Variants in FOXRED1 observed in about 807,000 individuals in gnomAD.
FOXRED1 encodes the protein FAD dependent oxidoreductase domain containing 1.
A neutral mutation model predicts 57.8 loss-of-function variants in FOXRED1; 52 were observed. The ratio of observed to expected loss-of-function variants is 0.90; its 90% CI spans 0.72 to 1.13. The LOEUF (loss-of-function observed/expected upper bound fraction) is 1.13, where lower values mean the gene tolerates loss of function less well. Ranked by LOEUF, FOXRED1 falls within the 50% of genes most tolerant of loss-of-function variation. FOXRED1 has a pLI of 0.00. For missense variants in FOXRED1, 589 were observed against 625.2 expected, an observed-to-expected ratio of 0.94 and a Z score of 0.62; for synonymous variants, 271 against 248.3, an observed-to-expected ratio of 1.09 and a Z score of -0.86.
Position 126,269,204 on chromosome 11 carries a change from G to C in FOXRED1, c.-3G>C. The stretch of plus-strand genomic sequence containing the variant: ...TTTCAGAGGGTCCGGGCTCAGAGGG[G>C]TTATGATTCGGAGGGTTCTGCCGCA... On this transcript the variant is annotated 5_prime_UTR_variant, in exon 1 of 11. Transcript: ENST00000263578. 1.2e-6 allele frequency: 2 copies of C among 1,610,994 alleles called. No homozygotes were observed. The highest frequency in any genetic ancestry group is 1.7e-6 in the Non-Finnish European group (2 of 1,177,592).
rs28372779 is a variant in FOXRED1, at chr11:126,269,215, G to C, written c.9G>C (p.Arg3=). 41 of 1,613,504 alleles carry C rather than the reference G, an allele frequency of 2.5e-5. No individual in the cohort carries two copies. The highest frequency in any genetic ancestry group is 1.3e-4 in the African/African-American group (10 of 74,950). MI[R]RVLPHGMGRG... is the part of the protein sequence containing the mutation. ...CCGGGCTCAGAGGGGTTATGATTCGGAGGGTTCTGCCGCACGGCATGGGCC... is the reference window on the plus strand; with the variant it reads ...CCGGGCTCAGAGGGGTTATGATTCGCAGGGTTCTGCCGCACGGCATGGGCC... Residue 3 remains arginine, a synonymous_variant, in exon 1 of 11, where the codon CGG becomes CGC. Coordinates refer to ENST00000263578, the MANE Select transcript of FOXRED1 (RefSeq NM_017547.4).
intron 1 of FOXRED1, chr11:126,269,506 C>T (rs1591543452): frequency 3.7e-6 from 3 of 805,628 alleles, no homozygotes; most frequent in South Asian, 1.5e-5. Context: ...CATCATTCTC[C>T]ATTTAAGCTT....
In FOXRED1 at chr11:126,274,937, G is replaced by A. The variant is rs1051817837; in HGVS notation, c.547G>A (p.Ala183Thr). 1.2e-6 allele frequency: 2 copies of A among 1,610,014 alleles called. No individual in the cohort carries two copies. The highest frequency in any genetic ancestry group is 1.3e-5 in the African/African-American group (1 of 74,808). ...SNVKVQRQEG[A>T]KVSLMSPDQL... ...ACACGTTTATCTCAGGCAGGAGGGA[G>A]CCAAAGTTTCTCTGATGTCTCCTGA... The change falls in exon 5 of 11, where the codon GCC (alanine) becomes ACC (threonine). Residue 183 changes from alanine to threonine, a missense_variant. Transcript: ENST00000263578. The surrounding 1 kb of genome is among the most constrained non-coding windows in gnomAD (Gnocchi z 4.8).
chr11:126,276,876 C>CAAAAAAA (rs202024738), intron 9 of FOXRED1, 195 bp from the exon 10 acceptor site: 1 of 476,516 alleles, frequency 2.1e-6, no homozygotes, highest in Non-Finnish European at 3.7e-6. Flanking sequence ...AACTCCATCT[C>CAAAAAAA]AAAAAAAAAA....
rs1951066432 is a variant in FOXRED1, at chr11:126,274,138, CTG to C, written c.536+685_536+686del. Reference sequence around the variant, plus strand: ...CATCCCCATTTTACATATGAGGAAACTGAGGCATAAGGCGCTAGTAAGTGGTG... The same window carrying C: ...CATCCCCATTTTACATATGAGGAAACAGGCATAAGGCGCTAGTAAGTGGTG... On this transcript the variant is annotated intron_variant, in intron 4 of 10. Coordinates refer to ENST00000263578, the MANE Select transcript of FOXRED1 (RefSeq NM_017547.4). This position sits in a 1 kb window ranked among gnomAD's most constrained non-coding sequence, Gnocchi z 4.8. 1 of 157,598 alleles carries C rather than the reference CTG, an allele frequency of 6.3e-6. No homozygotes were observed. 9.8% of individuals were successfully genotyped at this position (157,598 alleles called of 1,614,324 possible). A position where few individuals can be genotyped will look rare whatever the true frequency, so the allele number is the denominator to read the frequency against.
chr11:126,275,285 A>G lies in FOXRED1; in HGVS notation c.632-42A>G, dbSNP rs1389411455. On this transcript the variant is annotated intron_variant, in intron 5 of 10. Coordinates refer to ENST00000263578, the MANE Select transcript of FOXRED1 (RefSeq NM_017547.4). This position sits in a 1 kb window ranked among gnomAD's most constrained non-coding sequence, Gnocchi z 5.9. ...ACAGGAAATACAATCCAAGAGCAGA[A>G]GTCCTCATCCCTCTTTGTGAGTTCT... 2 of 1,383,386 alleles carry G rather than the reference A, an allele frequency of 1.4e-6. No individual in the cohort carries two copies. Among genetic ancestry groups the G allele is most frequent in the South Asian group, 1.2e-5 (1 of 86,440 alleles). The allele number at this position is 1,383,386 out of a possible 1,614,324, so 85.7% of individuals were successfully genotyped here.
At chr11:126,276,980 C>T (rs1331673765) in intron 9 of FOXRED1, 91 bp from the exon 10 acceptor site, 1 of 829,758 alleles carries the variant, frequency 1.2e-6, no homozygotes, top group African/African-American at 1.7e-5. Flanking sequence ...CATTTCTCCC[C>T]ATCCCCTACC....
chr11:126,271,237 G>GC lies in FOXRED1; in HGVS notation c.86-200_86-199insC, dbSNP rs759157532. ...TCTTGCAGTGCTTGGCACAATGCAT[G>GC]AAGAGACTGATGGCATGTGGACTAT... On this transcript the variant is annotated intron_variant, in intron 1 of 10. Coordinates refer to ENST00000263578, the MANE Select transcript of FOXRED1 (RefSeq NM_017547.4). This position sits in a 1 kb window ranked among gnomAD's most constrained non-coding sequence, Gnocchi z 5.3. The GC allele has an allele frequency of 2.7e-6, 1 of 364,302 alleles. No individual in the cohort carries two copies. Among genetic ancestry groups the GC allele is most frequent in the Non-Finnish European group, 4.6e-6 (1 of 218,044 alleles). The allele number at this position is 364,302 out of a possible 1,614,324, so 22.6% of individuals were successfully genotyped here.
At position 126,275,837 on chromosome 11, in the gene FOXRED1, A is replaced by AGCG; in HGVS notation, c.779_781dup (p.Ala260dup). 8 of 1,613,268 alleles carry AGCG rather than the reference A, an allele frequency of 5.0e-6. No individual in the cohort carries two copies. The highest frequency in any genetic ancestry group is 6.8e-6 in the Non-Finnish European group (8 of 1,179,340). Reference sequence around the variant, plus strand: ...AACGCATGTTGACCACAGATGACAAAGCGGTGGTCTTGAAAAGGATCCATG... The same window carrying AGCG: ...AACGCATGTTGACCACAGATGACAAAGCGGCGGTGGTCTTGAAAAGGATCCATG... On this transcript the variant is annotated inframe_insertion, in exon 7 of 11. Coordinates refer to ENST00000263578, the MANE Select transcript of FOXRED1 (RefSeq NM_017547.4). This position sits in a 1 kb window ranked among gnomAD's most constrained non-coding sequence, Gnocchi z 5.9.
chr11:126,270,125 G>A (rs941699706), intron 1 of FOXRED1, among the ~76,000 whole-genome samples: 2 of 152,160 alleles, frequency 1.3e-5, no homozygotes, highest in Non-Finnish European at 2.9e-5. Context: ...CTTAAGAAAG[G>A]TGTGTGTTCC....
At position 126,273,435 on chromosome 11, in the gene FOXRED1, A is replaced by T. The variant is rs1269545412; in HGVS notation, c.517A>T (p.Ser173Cys). The part of the protein sequence containing the change: ...ASEKDAAAME[S>C]NVKVQRQEGA... The stretch of plus-strand genomic sequence containing the variant: ...AGAAAAGGATGCTGCAGCCATGGAG[A>T]GCAACGTGAAAGTGCAGAGGTGGGT... Residue 173 changes from serine to cysteine, a missense_variant, in exon 4 of 11, where the codon AGC (serine) becomes TGC (cysteine). By Grantham distance (112) the Ser-to-Cys change is moderately radical (BLOSUM62 -1). Coordinates refer to ENST00000263578, the MANE Select transcript of FOXRED1 (RefSeq NM_017547.4). The surrounding 1 kb of genome is among the most constrained non-coding windows in gnomAD (Gnocchi z 5.9). 6.2e-7 allele frequency: 1 copy of T among 1,613,416 alleles called. No homozygotes were observed. The highest frequency in any genetic ancestry group is 8.5e-7 in the Non-Finnish European group (1 of 1,179,710).
chr11:126,269,240 C>T lies in FOXRED1; in HGVS notation c.34C>T (p.Arg12Trp). 1 of 1,614,032 alleles carries T rather than the reference C, an allele frequency of 6.2e-7. No homozygotes were observed. Among genetic ancestry groups the T allele is most frequent in the Non-Finnish European group, 8.5e-7 (1 of 1,179,904 alleles). Reference protein sequence around the residue: ...IRRVLPHGMGRGLLTRRPGTR... With the variant: ...IRRVLPHGMGWGLLTRRPGTR... ...GAGGGTTCTGCCGCACGGCATGGGC[C>T]GGGGCCTCTTGACCCGGAGGCCAGG... The change falls in exon 1 of 11, where the codon CGG becomes TGG. Residue 12 changes from arginine to tryptophan, a missense_variant. Arg to Trp is a moderately radical substitution (Grantham distance 101). Coordinates refer to ENST00000263578, the MANE Select transcript of FOXRED1 (RefSeq NM_017547.4).
In FOXRED1 at chr11:126,276,905, C is replaced by G. The variant is rs73017360; in HGVS notation, c.1102-166C>G. 36,731 of 640,312 alleles carry G rather than the reference C, an allele frequency of 0.057. 1,692 individuals are homozygous for G. The highest frequency in any genetic ancestry group is 0.17 in the East Asian group (6,026 of 35,530). 39.7% of individuals were successfully genotyped at this position (640,312 alleles called of 1,614,324 possible). A position where few individuals can be genotyped will look rare whatever the true frequency, so the allele number is the denominator to read the frequency against. On this transcript the variant is annotated intron_variant, in intron 9 of 10. Coordinates refer to ENST00000263578, the MANE Select transcript of FOXRED1 (RefSeq NM_017547.4). The stretch of plus-strand genomic sequence containing the variant: ...AAAAAAAAAAAGAAAAAGAATCAGC[C>G]TTTTTTGGGGGGCTGTGTGCTGTGT...
Position 126,277,352 on chromosome 11 carries a change from A to G in FOXRED1, c.1207-83A>G. ...GACCCCTCAGCAGCAGGTAGAGGGT[A>G]CTCTGTGCTGAGCCCTGAGGGGAGT... On this transcript the variant is annotated intron_variant, in intron 10 of 10. Coordinates refer to ENST00000263578, the MANE Select transcript of FOXRED1 (RefSeq NM_017547.4). This position sits in a 1 kb window ranked among gnomAD's most constrained non-coding sequence, Gnocchi z 6.8. 1 of 1,505,546 alleles carries G rather than the reference A, an allele frequency of 6.6e-7. No homozygotes were observed. Among genetic ancestry groups the G allele is most frequent in the Non-Finnish European group, 9.2e-7 (1 of 1,083,210 alleles). The allele number at this position is 1,505,546 out of a possible 1,614,324, so 93.3% of individuals were successfully genotyped here. A position where few individuals can be genotyped will look rare whatever the true frequency, so the allele number is the denominator to read the frequency against.
chr11:126,269,371 C>G (rs1322849910), intron 1 of FOXRED1, 80 bp downstream of exon 1: 1 of 1,611,022 alleles, frequency 6.2e-7, no homozygotes, highest in Admixed American at 1.7e-5. Flanking sequence ...GGACCCGAAA[C>G]CATGGCCCAC....
Position 126,276,147 on chromosome 11 carries a change from C to G in FOXRED1, c.899C>G (p.Ala300Gly), listed in dbSNP as rs149851763. ...GGAGCCTGGTCTGCGCAAATCGCAGCACTGGCTGGTGTTGGAGAGGGGCCG... is the reference window on the plus strand; with the variant it reads ...GGAGCCTGGTCTGCGCAAATCGCAGGACTGGCTGGTGTTGGAGAGGGGCCG... ...AAGAWSAQIAALAGVGEGPPG... is the reference protein window; with the variant it reads ...AAGAWSAQIAGLAGVGEGPPG... Residue 300 changes from alanine (A) to glycine (G), a missense_variant, in exon 8 of 11, where the codon GCA becomes GGA. Coordinates refer to ENST00000263578, the MANE Select transcript of FOXRED1 (RefSeq NM_017547.4). 413 of 1,611,856 alleles carry G rather than the reference C, an allele frequency of 2.6e-4. No individual in the cohort carries two copies. The highest frequency in any genetic ancestry group is 3.2e-4 in the Non-Finnish European group (382 of 1,179,688).
In FOXRED1 at chr11:126,275,126, C is replaced by A; in HGVS notation, c.631+105C>A. 2 of 853,448 alleles carry A rather than the reference C, an allele frequency of 2.3e-6. No individual in the cohort carries two copies. The highest frequency in any genetic ancestry group is 4.0e-6 in the Non-Finnish European group (2 of 501,558). The allele number at this position is 853,448 out of a possible 1,614,324, so 52.9% of individuals were successfully genotyped here. ...CTCCACAGCCAAGCTGAAGGAGGAA[C>A]ACTTCCCTCCTGTGTCACGGGAACT... On this transcript the variant is annotated intron_variant, in intron 5 of 10. Transcript: ENST00000263578. The surrounding 1 kb of genome is among the most constrained non-coding windows in gnomAD (Gnocchi z 5.9).
Position 126,275,540 on chromosome 11 carries a change from G to A in FOXRED1, c.733+112G>A. On this transcript the variant is annotated intron_variant, in intron 6 of 10. Transcript: ENST00000263578. This position sits in a 1 kb window ranked among gnomAD's most constrained non-coding sequence, Gnocchi z 5.9. ...GAGGGGGAAAGGGGTCTCCCTGAGA[G>A]CAGGTCCTAGGCATCTTGACCTGGG... 1 of 826,832 alleles carries A rather than the reference G, an allele frequency of 1.2e-6. No individual in the cohort carries two copies. Among genetic ancestry groups the A allele is most frequent in the Non-Finnish European group, 2.1e-6 (1 of 479,922 alleles). 51.2% of individuals were successfully genotyped at this position (826,832 alleles called of 1,614,324 possible).
chr11:126,274,904 A>C lies in FOXRED1; in HGVS notation c.537-23A>C, dbSNP rs781015394. 3.2e-5 allele frequency: 46 copies of C among 1,439,740 alleles called. No individual in the cohort carries two copies. In the Middle Eastern group the frequency reaches 1.0e-3, roughly 33 times the overall value. The allele number at this position is 1,439,740 out of a possible 1,614,324, so 89.2% of individuals were successfully genotyped here. Reference sequence around the variant, plus strand: ...ACACTCCCCTCTCTGACACACATACACCGACCCACACGTTTATCTCAGGCA... The same window carrying C: ...ACACTCCCCTCTCTGACACACATACCCCGACCCACACGTTTATCTCAGGCA... On this transcript the variant is annotated intron_variant, in intron 4 of 10. Coordinates refer to ENST00000263578, the MANE Select transcript of FOXRED1 (RefSeq NM_017547.4). This position sits in a 1 kb window ranked among gnomAD's most constrained non-coding sequence, Gnocchi z 4.8.
Sources: gnomAD v4.1 joint callset for allele counts (sites outside exome capture counted in the v4.1 genomes callset) on GRCh38, gnomAD v4.1.1 for gene constraint, Gnocchi (gnomAD v3.1) non-coding constraint, MANE v1.5 for transcripts, NCBI Gene and HGNC (gene_info 2026-07-23, HGNC 2026-07-21) for gene names.